The following NBEA variants were observed in gnomAD, a reference collection of about 807,000 sequenced individuals.
The protein encoded by NBEA is lysosomal-trafficking regulator 2.
Under a neutral mutation model 343.4 loss-of-function variants are expected in NBEA, and 44 were observed. The ratio of observed to expected loss-of-function variants is 0.13; its 90% CI spans 0.10 to 0.16. The LOEUF (loss-of-function observed/expected upper bound fraction) is 0.16. Among genes scored for constraint, NBEA ranks in the 10% least tolerant of loss-of-function variants. NBEA has a pLI of 1.00. For synonymous variants in NBEA, 1,175 were observed against 1,238.7 expected, an observed-to-expected ratio of 0.95 and a Z score of 1.08; for missense variants, 2,555 against 3,631.3, an observed-to-expected ratio of 0.70 and a Z score of 7.62.
chr13:35,610,511 G>A (rs1268657697), intron 48 of NBEA, among the ~76,000 whole-genome samples: 6 of 152,090 alleles, frequency 3.9e-5, no homozygotes, highest in Non-Finnish European at 5.9e-5. Context: ...AAAGGAAGGG[G>A]AAGGTTTCAG....
rs1453306679 is a variant in NBEA, at chr13:35,045,315, G to A, written c.637G>A (p.Ala213Thr). ...RGESGIWPRH[A>T]VKLLSVLNQM... The stretch of plus-strand genomic sequence containing the variant: ...TTTATTGTTTCCCCAGCCAAGACAT[G>A]CAGTAAAATTATTATCAGTTCTTAA... Residue 213 changes from alanine to threonine, a missense_variant, in exon 4 of 59, where the codon GCA (alanine) becomes ACA (threonine). Physicochemically the swap from Ala to Thr is moderately conservative, Grantham distance 58. This residue lies in a region of NBEA where 185 missense variants were observed against 290.6 expected (regional missense o/e 0.64). Coordinates refer to ENST00000379939, the MANE Select transcript of NBEA (RefSeq NM_001385012.1). The A allele has an allele frequency of 6.2e-7, 1 of 1,605,742 alleles. No homozygotes were observed. The highest frequency in any genetic ancestry group is 8.5e-7 in the Non-Finnish European group (1 of 1,176,494).
intron 41 of NBEA, among the ~76,000 whole-genome samples, chr13:35,522,188 G>T (rs1006420262): frequency 6.6e-5 from 10 of 152,042 alleles, no homozygotes; most frequent in African/African-American, 2.4e-4. Context: ...TGGGCACGGT[G>T]GCTCATGCCT....
intron 1 of NBEA, among the ~76,000 whole-genome samples, chr13:34,973,008 AT>A (rs893207449): frequency 6.1e-4 from 91 of 149,150 alleles, no homozygotes; most frequent in African/African-American, 2.1e-3. Flanking sequence ...TCACCTTTGG[AT>A]TTTTTTTTTC....
rs376527630 is a variant in NBEA, at chr13:35,265,618, A to G, written c.5777-24771A>G. Among the ~76,000 whole-genome samples the G allele has an allele frequency of 4.0e-5, 6 of 151,752 alleles. 1 individual carries two copies. Among genetic ancestry groups the G allele is most frequent in the African/African-American group, 1.4e-4 (6 of 41,516 alleles). ...GCCTAAAAACAGTGGAGGTAGGGAG[A>G]CTCTTCAATAAATAGTGTTGGGAAA... On this transcript the variant is annotated intron_variant, in intron 34 of 58. Transcript: ENST00000379939.
chr13:35,463,681 T>C, intron 40 of NBEA, among the ~76,000 whole-genome samples: 1 of 152,156 alleles, frequency 6.6e-6, no homozygotes, highest in East Asian at 1.9e-4. Context: ...TTCAAGCCTT[T>C]AACTTACTAA....
intron 31 of NBEA, among the ~76,000 whole-genome samples, chr13:35,201,020 A>G: frequency 6.6e-6 from 1 of 151,460 alleles, no homozygotes; most frequent in African/African-American, 2.4e-5. Flanking sequence ...ATTTTTTTAA[A>G]AAAGTATTTT....
At position 35,124,589 on chromosome 13, in the gene NBEA, CAT is replaced by C. The variant is rs562846187; in HGVS notation, c.2336+1020_2336+1021del. ...ATATATGGATATATATATACATACA[CAT>C]ATATGGATATATATACACATACATA... On this transcript the variant is annotated intron_variant, in intron 17 of 58. Transcript: ENST00000379939. Among the ~76,000 whole-genome samples, 390 of 149,194 alleles carry C rather than the reference CAT, an allele frequency of 2.6e-3. 1 individual carries two copies. The highest frequency in any genetic ancestry group is 9.1e-3 in the African/African-American group (371 of 40,716).
intron 16 of NBEA, among the ~76,000 whole-genome samples, chr13:35,122,242 A>G (rs557758006): frequency 6.6e-6 from 1 of 152,184 alleles, no homozygotes; most frequent in Admixed American, 6.5e-5. Flanking sequence ...AGGATTATAA[A>G]TCATGCTGCT....
chr13:35,396,624 T>G (rs1351052551), intron 38 of NBEA, among the ~76,000 whole-genome samples: 5 of 152,110 alleles, frequency 3.3e-5, no homozygotes, highest in Non-Finnish European at 2.9e-5. Flanking sequence ...GCAGTTGAAC[T>G]CAATCCAAAT....
chr13:35,059,649 T>C (rs149116319), intron 8 of NBEA, among the ~76,000 whole-genome samples: 83 of 151,856 alleles, frequency 5.5e-4, no homozygotes, highest in Non-Finnish European at 1.0e-3. Context: ...AAATAATTAA[T>C]GTGAAGATTG....
At chr13:35,161,071 A>T (rs913061155) in intron 22 of NBEA, among the ~76,000 whole-genome samples, 1 of 152,120 alleles carries the variant, frequency 6.6e-6, no homozygotes, top group African/African-American at 2.4e-5. Flanking sequence ...TCTAACTGCC[A>T]ATTTCCATTT....
At chr13:35,033,618 T>C (rs1239079241) in intron 1 of NBEA, among the ~76,000 whole-genome samples, 1 of 152,016 alleles carries the variant, frequency 6.6e-6, no homozygotes, top group Non-Finnish European at 1.5e-5. Context: ...TTAACAATAC[T>C]GATTCTTTCA....
At chr13:35,359,739 T>A (rs2040700065) in intron 38 of NBEA, among the ~76,000 whole-genome samples, 1 of 152,112 alleles carries the variant, frequency 6.6e-6, no homozygotes, top group Non-Finnish European at 1.5e-5. Context: ...TTTTTGGATA[T>A]TTCCTATTGC....
chr13:35,596,093 T>C (rs1446112294), intron 47 of NBEA, among the ~76,000 whole-genome samples: 1 of 151,942 alleles, frequency 6.6e-6, no homozygotes, highest in Non-Finnish European at 1.5e-5. Context: ...TGTGTGCGTG[T>C]GCGTGTGTGT....
At chr13:35,641,969 G>T (rs925252043) in intron 49 of NBEA, among the ~76,000 whole-genome samples, 7 of 151,958 alleles carry the variant, frequency 4.6e-5, no homozygotes, top group Non-Finnish European at 1.0e-4. Context: ...TTAACTTCAG[G>T]ATACCAAAAT....
chr13:35,475,474 T>A (rs767284546), intron 41 of NBEA: 2 of 1,612,608 alleles, frequency 1.2e-6, no homozygotes, highest in South Asian at 2.2e-5. Flanking sequence ...CGCCGAGCTC[T>A]GCTTGCCGGC....
At chr13:35,381,020 T>C (rs1194718502) in intron 38 of NBEA, among the ~76,000 whole-genome samples, 1 of 152,204 alleles carries the variant, frequency 6.6e-6, no homozygotes, top group Admixed American at 6.5e-5. Flanking sequence ...GCTTTTTCTT[T>C]ATCATAATTG....
In NBEA at chr13:34,999,596, T is replaced by A. The variant is rs112287589; in HGVS notation, c.295-41337T>A. On this transcript the variant is annotated intron_variant, in intron 1 of 58. Coordinates refer to ENST00000379939, the MANE Select transcript of NBEA (RefSeq NM_001385012.1). ...TTGTTCTTATGCTTACTGTCATTAG[T>A]GATTTTTTTTAAAAAAATAAGCTTT... Among the ~76,000 whole-genome samples, 5 of 152,308 alleles carry A rather than the reference T, an allele frequency of 3.3e-5. 1 individual carries two copies. The highest frequency in any genetic ancestry group is 1.2e-4 in the African/African-American group (5 of 41,568).
intron 10 of NBEA, among the ~76,000 whole-genome samples, chr13:35,090,522 G>A (rs1454525680): frequency 6.6e-6 from 1 of 151,946 alleles, no homozygotes. Flanking sequence ...ATAGGTTTTG[G>A]TGTGAAAGGA....
Sources: allele counts gnomAD v4.1 joint callset (sites outside exome capture counted in the v4.1 genomes callset), GRCh38; gene constraint gnomAD v4.1.1; regional missense constraint gnomAD v4.1.1; transcripts MANE v1.5; gene names NCBI Gene and HGNC (gene_info 2026-07-23, HGNC 2026-07-21).